MAN2B2: variants seen among roughly 807,000 people sequenced by gnomAD.
The protein encoded by MAN2B2 is mannosidase alpha class 2B member 2.
A neutral mutation model predicts 117.1 loss-of-function variants in MAN2B2; 106 were observed. The ratio of observed to expected loss-of-function variants is 0.90; its 90% confidence interval spans 0.77 to 1.06. The LOEUF is 1.06. Ranked by LOEUF, MAN2B2 falls within the 50% of genes least tolerant of loss-of-function variation. The pLI is 0.00. For synonymous variants in MAN2B2, 544 were observed against 595.1 expected (o/e 0.91, Z 1.25); for missense variants, 1,326 against 1,381.4 (o/e 0.96, Z 0.64).
intron 3 of MAN2B2, among the ~76,000 whole-genome samples, chr4:6,579,120 C>CCAG: frequency 6.9e-5 from 3 of 43,712 alleles, no homozygotes; most frequent in Non-Finnish European, 1.5e-4. Flanking sequence ...ATCACCATCA[C>CCAG]CACTACCACC....
intron 3 of MAN2B2, among the ~76,000 whole-genome samples, chr4:6,579,057 CCACCAT>C (rs1560634176): frequency 4.3e-4 from 38 of 88,978 alleles, no homozygotes; most frequent in South Asian, 7.3e-4. Context: ...ACCATCACCA[CCACCAT>C]CACCATCACC....
chr4:6,575,276 G>A lies in MAN2B2; in HGVS notation c.66G>A (p.Gln22=). The part of the protein sequence containing the change: ...PLLLLRPPGV[Q]SAGPIRAFVV... ...TGTTGCTGCGACCGCCAGGGGTCCA[G>A]TCCGCCGGCCCCATCCGGGCCTTCG... The change falls in exon 1 of 19, where the codon CAG becomes CAA. Residue 22 remains glutamine (Q), a synonymous_variant. Transcript: ENST00000285599. 1.9e-6 allele frequency: 3 copies of A among 1,557,612 alleles called. No individual in the cohort carries two copies. The highest frequency in any genetic ancestry group is 1.2e-5 in the South Asian group (1 of 85,340).
intron 17 of MAN2B2, chr4:6,618,491 G>C (rs751601922): frequency 6.6e-6 from 1 of 152,258 alleles, no homozygotes; most frequent in African/African-American, 2.4e-5. Context: ...GGGGAGAGGT[G>C]AGAGTTCTTT....
In MAN2B2 at chr4:6,610,043, T is replaced by C; in HGVS notation, c.2252T>C (p.Ile751Thr). Residue 751 changes from isoleucine (I) to threonine (T), a missense_variant, in exon 13 of 19, where the codon ATC (isoleucine) becomes ACC (threonine). Coordinates refer to ENST00000285599, the MANE Select transcript of MAN2B2 (RefSeq NM_015274.3). Reference sequence around the variant, plus strand: ...TACGTTTCCTATGTGAACAACAGCATCGCCCGGGTATGTCCTGCAATGCCC... The same window carrying C: ...TACGTTTCCTATGTGAACAACAGCACCGCCCGGGTATGTCCTGCAATGCCC... ...RPYVSYVNNS[I>T]ARNYYPMVQS... The C allele has an allele frequency of 6.2e-7, 1 of 1,614,020 alleles. No individual in the cohort carries two copies. The highest frequency in any genetic ancestry group is 2.2e-5 in the East Asian group (1 of 44,876).
intron 16 of MAN2B2, 87 bp from the exon 17 acceptor site, chr4:6,617,293 T>C (rs759146296): frequency 1.0e-6 from 1 of 961,236 alleles, no homozygotes; most frequent in Middle Eastern, 3.2e-4. Context: ...GAAATGGAGC[T>C]GAGTGTGTAA....
intron 5 of MAN2B2, among the ~76,000 whole-genome samples, chr4:6,591,712 T>G (rs1726866596): frequency 6.6e-6 from 1 of 152,264 alleles, no homozygotes; most frequent in East Asian, 1.9e-4. Flanking sequence ...TTAGCCTCGC[T>G]GTACACCTTC....
At chr4:6,583,390 T>C (rs1577273647) in intron 3 of MAN2B2, among the ~76,000 whole-genome samples, 1 of 71,698 alleles carries the variant, frequency 1.4e-5, no homozygotes, top group South Asian at 7.2e-4. Context: ...GGGAGTCCAT[T>C]TGCCCTGCTA....
chr4:6,604,913 A>G, intron 10 of MAN2B2, 142 bp from the exon 11 acceptor site: 1 of 1,019,894 alleles, frequency 9.8e-7, no homozygotes, highest in Admixed American at 2.3e-5. Context: ...CAAGGGGAGA[A>G]AGCCAGAACT....
chr4:6,597,007 C>A, intron 7 of MAN2B2, 106 bp from the exon 8 acceptor site: 2 of 1,157,188 alleles, frequency 1.7e-6, no homozygotes, highest in Non-Finnish European at 2.5e-6. Flanking sequence ...GTGACCCTGG[C>A]AGAGGCTGCC....
At chr4:6,599,226 T>C (rs1727226899) in intron 9 of MAN2B2, among the ~76,000 whole-genome samples, 1 of 152,174 alleles carries the variant, frequency 6.6e-6, no homozygotes, top group Non-Finnish European at 1.5e-5. Flanking sequence ...GCCTCCCAAG[T>C]AGCTGGGACT....
intron 8 of MAN2B2, 102 bp downstream of exon 8, chr4:6,597,405 G>A (rs983010313): frequency 5.6e-5 from 71 of 1,261,190 alleles, no homozygotes; most frequent in Non-Finnish European, 7.3e-5. Flanking sequence ...GGCACTAGAG[G>A]CCCCACTTTA....
At chr4:6,580,963 A>G (rs1294908808) in intron 3 of MAN2B2, among the ~76,000 whole-genome samples, 2 of 152,216 alleles carry the variant, frequency 1.3e-5, no homozygotes, top group African/African-American at 4.8e-5. Flanking sequence ...CACAAGAGAC[A>G]GCGGCTGTTG....
intron 18 of MAN2B2, chr4:6,620,378 C>T (rs1307110696): frequency 1.5e-5 from 4 of 264,994 alleles, no homozygotes; most frequent in East Asian, 9.5e-5. Flanking sequence ...GCCCATCAGC[C>T]GGTCCCTGCC....
intron 15 of MAN2B2, among the ~76,000 whole-genome samples, chr4:6,611,787 CTG>C (rs1711576628): frequency 6.6e-6 from 1 of 152,148 alleles, no homozygotes; most frequent in South Asian, 2.1e-4. Flanking sequence ...AAGCGAGACT[CTG>C]TCTCAAAAGT....
Position 6,575,283 on chromosome 4 carries a change from G to T in MAN2B2, c.73G>T (p.Gly25Cys), listed in dbSNP as rs751905516. The stretch of plus-strand genomic sequence containing the variant: ...GCGACCGCCAGGGGTCCAGTCCGCC[G>T]GCCCCATCCGGGCCTTCGTGGTGCC... ...LLRPPGVQSA[G>C]PIRAFVVPHS... Residue 25 changes from glycine to cysteine, a missense_variant, in exon 1 of 19, where the codon GGC (glycine) becomes TGC (cysteine). Coordinates refer to ENST00000285599, the MANE Select transcript of MAN2B2 (RefSeq NM_015274.3). 44 of 1,563,454 alleles carry T rather than the reference G, an allele frequency of 2.8e-5. No homozygotes were observed. Among genetic ancestry groups the T allele is most frequent in the Non-Finnish European group, 3.7e-5 (43 of 1,160,386 alleles).
intron 3 of MAN2B2, among the ~76,000 whole-genome samples, chr4:6,580,379 G>A (rs1296484933): frequency 1.3e-5 from 2 of 152,134 alleles, no homozygotes; most frequent in African/African-American, 4.8e-5. Context: ...CAGAGCCCCT[G>A]CTCTTTCACT....
chr4:6,593,986 C>T (rs921916602), intron 6 of MAN2B2, among the ~76,000 whole-genome samples: 1 of 152,168 alleles, frequency 6.6e-6, no homozygotes, highest in Non-Finnish European at 1.5e-5. Context: ...AGGCGGGCCC[C>T]AGAGCCTGCC....
chr4:6,619,841 G>C, intron 17 of MAN2B2, 86 bp from the exon 18 acceptor site: 5 of 1,210,080 alleles, frequency 4.1e-6, no homozygotes, highest in Non-Finnish European at 6.0e-6. Context: ...CGAGTTCGTG[G>C]TGTGTCTGCC....
chr4:6,596,213 C>CGGGTGTGGGT, intron 7 of MAN2B2, among the ~76,000 whole-genome samples: 1 of 151,596 alleles, frequency 6.6e-6, no homozygotes, highest in African/African-American at 2.4e-5. Flanking sequence ...GGTATCCAGG[C>CGGGTGTGGGT]GGGCATGGTA....
Sources: allele counts gnomAD v4.1 joint callset (sites outside exome capture counted in the v4.1 genomes callset), GRCh38; gene constraint gnomAD v4.1.1; transcripts MANE v1.5; gene names NCBI Gene and HGNC (gene_info 2026-07-23, HGNC 2026-07-21).